The following ANKRD11 variants were observed in gnomAD, a reference collection of about 807,000 sequenced individuals.
ANKRD11 encodes the protein ankyrin repeat domain 11.
In ANKRD11, 17 loss-of-function variants were observed where a neutral mutation model predicts 195.7. That is an observed-to-expected ratio of 0.09 (90% CI 0.06 to 0.13). The LOEUF (loss-of-function observed/expected upper bound fraction) is 0.13, where lower values mean the gene tolerates loss of function less well. Among genes scored for constraint, ANKRD11 ranks in the 10% least tolerant of loss-of-function variants. The probability of loss-of-function intolerance (pLI) is 1.00; values close to 1 mark genes in which losing one functional copy is unlikely to be tolerated. For synonymous variants in ANKRD11, 1,953 were observed against 1,528.1 expected (o/e 1.28, Z -6.49); for missense variants, 3,735 against 3,566.1 (o/e 1.05, Z -1.21).
chr16:89,419,725 C>A (rs989410181), intron 1 of ANKRD11, among the ~76,000 whole-genome samples: 1 of 152,292 alleles, frequency 6.6e-6, no homozygotes, highest in South Asian at 2.1e-4. Context: ...CCGAGAGAAT[C>A]GCGTGTTTCC....
rs561902577 is a variant in ANKRD11 at position 89,352,570 on chromosome 16, C to T, written c.-59-35492G>A. On this transcript the variant is annotated intron_variant, in intron 2 of 12. Coordinates refer to ENST00000301030, the MANE Select transcript of ANKRD11 (RefSeq NM_013275.6). The stretch of plus-strand genomic sequence containing the variant: ...AAGAGTGAGGCCCCTGTCAGGGCCA[C>T]TTCCTCTCGCCCTGGCCCATCCAGA... 1.5e-4 allele frequency among the ~76,000 whole-genome samples: 23 copies of T among 152,306 alleles called. No individual in the cohort carries two copies. In the South Asian group the frequency reaches 1.7e-3, roughly 11 times the overall value.
intron 1 of ANKRD11, among the ~76,000 whole-genome samples, chr16:89,425,640 C>G (rs969417908): frequency 3.9e-5 from 6 of 152,022 alleles, no homozygotes; most frequent in Admixed American, 2.6e-4. Flanking sequence ...CAAGGTGGGC[C>G]GGTTATTTCG....
At chr16:89,401,093 C>T (rs1258871835) in intron 2 of ANKRD11, among the ~76,000 whole-genome samples, 1 of 137,956 alleles carries the variant, frequency 7.2e-6, no homozygotes, top group Admixed American at 7.1e-5. Flanking sequence ...CTCTCCCCCC[C>T]ACCCGCCCTC....
rs1319171561 is a variant in ANKRD11, at chr16:89,281,209, G to T, written c.5333C>A (p.Ala1778Asp). ...GTTTGTGGAGAGAGGCCTGGCAGGA[G>T]CCTGGCTGGCGTTTTCCGAAAGCCC... ...SSGLSENASQ[A>D]PARPLSTNLY... is the part of the protein sequence containing the mutation. Residue 1778 changes from alanine to aspartate, a missense_variant, in exon 9 of 13, where the codon GCT becomes GAT. Physicochemically the swap from Ala to Asp is moderately radical, Grantham distance 126. Transcript: ENST00000301030. This position sits in a 1 kb window ranked among gnomAD's most constrained non-coding sequence, Gnocchi z 5.5. 2 of 1,614,204 alleles carry T rather than the reference G, an allele frequency of 1.2e-6. No homozygotes were observed. The highest frequency in any genetic ancestry group is 2.2e-5 in the South Asian group (2 of 91,080).
In ANKRD11 at chr16:89,364,718, T is replaced by C. The variant is rs558304417; in HGVS notation, c.-59-47640A>G. Among the ~76,000 whole-genome samples the C allele has an allele frequency of 1.0e-3, 159 of 152,356 alleles. 1 individual carries two copies. Among genetic ancestry groups the C allele is most frequent in the African/African-American group, 3.6e-3 (149 of 41,572 alleles). ...TGTTGGGCCACATTCAAAGCTGCCA[T>C]GGGCCGCGGGCTGGACAAGCTTGCC... On this transcript the variant is annotated intron_variant, in intron 2 of 12. Coordinates refer to ENST00000301030, the MANE Select transcript of ANKRD11 (RefSeq NM_013275.6).
chr16:89,394,907 T>C lies in ANKRD11; in HGVS notation c.-60+23377A>G, dbSNP rs1049060716. The stretch of plus-strand genomic sequence containing the variant: ...CACTGTTGGAAAGCCTAAAGCTTTG[T>C]TTGCAGCCAATTCAGAGGCGACAGT... On this transcript the variant is annotated intron_variant, in intron 2 of 12. Transcript: ENST00000301030. Among the ~76,000 whole-genome samples the C allele has an allele frequency of 2.0e-5, 3 of 152,186 alleles. No homozygotes were observed. In the East Asian group the frequency reaches 5.8e-4, roughly 29 times the overall value.
In ANKRD11 at chr16:89,281,340, G is replaced by T. The variant is rs1381132846; in HGVS notation, c.5202C>A (p.Asp1734Glu). ...GCGAGTCGGCGCAGTCGAACACGAG[G>T]TCCGCGTAGTCATCGGCGCTGCAGG... ...TPSCSADDYADLVFDCADSQH... is the reference protein window; with the variant it reads ...TPSCSADDYAELVFDCADSQH... The change falls in exon 9 of 13, where the codon GAC (aspartate) becomes GAA (glutamate). Residue 1734 changes from aspartate (D) to glutamate (E), a missense_variant. Coordinates refer to ENST00000301030, the MANE Select transcript of ANKRD11 (RefSeq NM_013275.6). This position sits in a 1 kb window ranked among gnomAD's most constrained non-coding sequence, Gnocchi z 5.5. 6.2e-7 allele frequency: 1 copy of T among 1,612,738 alleles called. No homozygotes were observed.
chr16:89,310,870 C>A (rs182352401), intron 3 of ANKRD11, among the ~76,000 whole-genome samples: 1 of 152,204 alleles, frequency 6.6e-6, no homozygotes, highest in Non-Finnish European at 1.5e-5. Flanking sequence ...TGAATAAAGA[C>A]AGTGTTCCTC....
At chr16:89,361,148 T>C (rs1249116089) in intron 2 of ANKRD11, among the ~76,000 whole-genome samples, 1 of 152,172 alleles carries the variant, frequency 6.6e-6, no homozygotes, top group African/African-American at 2.4e-5. Context: ...CCCGTACTTC[T>C]TCCTGTAAGC....
At chr16:89,390,499 T>G (rs1271709114) in intron 2 of ANKRD11, among the ~76,000 whole-genome samples, 1 of 152,174 alleles carries the variant, frequency 6.6e-6, no homozygotes, top group East Asian at 1.9e-4. Flanking sequence ...GAATAAAGCC[T>G]GAACATTTCC....
chr16:89,308,636 G>T (rs1460518165), intron 3 of ANKRD11, among the ~76,000 whole-genome samples: 1 of 152,250 alleles, frequency 6.6e-6, no homozygotes, highest in Non-Finnish European at 1.5e-5. Flanking sequence ...GGCTTTGAGG[G>T]AGAGCTGCAG....
intron 2 of ANKRD11, among the ~76,000 whole-genome samples, chr16:89,416,055 G>A (rs1175260076): frequency 1.3e-5 from 2 of 151,920 alleles, no homozygotes; most frequent in Non-Finnish European, 2.9e-5. Flanking sequence ...GCAAACAAAA[G>A]ACAAAATCAA....
chr16:89,362,749 G>A (rs1249147063), intron 2 of ANKRD11, among the ~76,000 whole-genome samples: 1 of 152,216 alleles, frequency 6.6e-6, no homozygotes, highest in Non-Finnish European at 1.5e-5. Flanking sequence ...TGCTTATACT[G>A]GTCGAAGCAA....
chr16:89,287,305 T>A (rs1373294424), intron 7 of ANKRD11: 2 of 354,368 alleles, frequency 5.6e-6, no homozygotes, highest in African/African-American at 2.1e-5. Context: ...TAAGGGCCCA[T>A]GGGGCTGCCC....
chr16:89,462,826 C>T (rs573377279), intron 1 of ANKRD11, among the ~76,000 whole-genome samples: 70 of 144,116 alleles, frequency 4.9e-4, no homozygotes, highest in South Asian at 1.8e-3. Flanking sequence ...GGAGCCCCTC[C>T]GCCCGGCAGC....
intron 2 of ANKRD11, among the ~76,000 whole-genome samples, chr16:89,345,143 T>C (rs1597725173): frequency 6.6e-6 from 1 of 151,040 alleles, no homozygotes; most frequent in African/African-American, 2.4e-5. Flanking sequence ...CACCAGGAAA[T>C]GGAAAAGGCA....
chr16:89,457,937 C>T (rs762632047), intron 1 of ANKRD11, among the ~76,000 whole-genome samples: 2 of 152,064 alleles, frequency 1.3e-5, no homozygotes, highest in Admixed American at 6.5e-5. Context: ...AGACCCAGAC[C>T]CCAGCTGAGA....
At chr16:89,323,753 C>A in intron 2 of ANKRD11, 1 of 262,466 alleles carries the variant, frequency 3.8e-6, no homozygotes, top group Non-Finnish European at 7.4e-6. Context: ...AACTCTCTCT[C>A]CTTCCTCCTC....
chr16:89,437,114 C>A (rs1446607627), intron 1 of ANKRD11, among the ~76,000 whole-genome samples: 1 of 152,126 alleles, frequency 6.6e-6, no homozygotes, highest in African/African-American at 2.4e-5. Flanking sequence ...CTGTGTGTGA[C>A]CATTTTCACA....
Sources: gnomAD v4.1 joint callset for allele counts (sites outside exome capture counted in the v4.1 genomes callset) on GRCh38, gnomAD v4.1.1 for gene constraint, Gnocchi (gnomAD v3.1) non-coding constraint, MANE v1.5 for transcripts, NCBI Gene and HGNC (gene_info 2026-07-23, HGNC 2026-07-21) for gene names.